Variants in GRIP2 observed in about 807,000 individuals in gnomAD.
GRIP2 encodes the protein glutamate receptor-interacting protein 2.
In GRIP2, 58 loss-of-function variants were observed where a neutral mutation model predicts 108.3. The observed-to-expected ratio is 0.54, with a 90% CI of 0.43 to 0.67. The LOEUF (loss-of-function observed/expected upper bound fraction) is 0.67. GRIP2 is among the 30% of genes least tolerant of loss of function. GRIP2 has a pLI of 0.00. For synonymous variants in GRIP2, 586 were observed against 598.2 expected, an observed-to-expected ratio of 0.98 and a Z score of 0.30; for missense variants, 1,278 against 1,430.6, an observed-to-expected ratio of 0.89 and a Z score of 1.72.
In GRIP2 at chr3:14,540,273, C is replaced by A. The variant is rs769403536; in HGVS notation, c.36G>T (p.Glu12Asp). ...CACAGACCCCCCATTACGTACCCGC[C>A]TCTCCAGGGGTCTCCCGGCTGAGCC... ...LCGLSRETPG[E>D]ADDGPYSKGG... is the part of the protein sequence containing the mutation. Residue 12 changes from glutamate to aspartate, a missense_variant, in exon 1 of 24, where the codon GAG becomes GAT. Coordinates refer to ENST00000621039, the MANE Select transcript of GRIP2 (RefSeq NM_001080423.4). This position sits in a 1 kb window ranked among gnomAD's most constrained non-coding sequence, Gnocchi z 4.1. 6.2e-7 allele frequency: 1 copy of A among 1,613,778 alleles called. No homozygotes were observed. The highest frequency in any genetic ancestry group is 1.7e-5 in the Admixed American group (1 of 60,010).
chr3:14,544,129 T>C (rs535698503), upstream of GRIP2, among the ~76,000 whole-genome samples: 5 of 152,340 alleles, frequency 3.3e-5, no homozygotes, highest in African/African-American at 1.2e-4. Context: ...TGTGTGACCC[T>C]AGGCAAGTCA....
chr3:14,565,701 G>A, the GRIP2 span, among the ~76,000 whole-genome samples: 1 of 152,204 alleles, frequency 6.6e-6, no homozygotes, highest in African/African-American at 2.4e-5. Context: ...CCTTGGGAAC[G>A]GGAAAGTGGG....
chr3:14,540,911 T>C (rs1694955565), upstream of GRIP2, among the ~76,000 whole-genome samples: 1 of 152,162 alleles, frequency 6.6e-6, no homozygotes. This position sits in a 1 kb window ranked among gnomAD's most constrained non-coding sequence, Gnocchi z 4.1. Context: ...CTCGGTAAAA[T>C]GGGACTTAGG....
intron 1 of GRIP2, among the ~76,000 whole-genome samples, chr3:14,533,466 C>G (rs926492986): frequency 6.6e-6 from 1 of 152,156 alleles, no homozygotes; most frequent in Non-Finnish European, 1.5e-5. Context: ...AAGCCAAAGC[C>G]CAAGTTCACC....
At position 14,522,381 on chromosome 3, in the gene GRIP2, C is replaced by T. The variant is rs1376287051; in HGVS notation, c.567-594G>A. 1.3e-5 allele frequency: 2 copies of T among 152,648 alleles called. No homozygotes were observed. Among genetic ancestry groups the T allele is most frequent in the Non-Finnish European group, 2.9e-5 (2 of 68,404 alleles). 9.5% of individuals were successfully genotyped at this position (152,648 alleles called of 1,614,324 possible). A position where few individuals can be genotyped will look rare whatever the true frequency, so the allele number is the denominator to read the frequency against. Reference sequence around the variant, plus strand: ...CTGGAACGCCTCTCCCAACAGGTGGCCAAAGCTATTCTCGGGGGTTCTATG... The same window carrying T: ...CTGGAACGCCTCTCCCAACAGGTGGTCAAAGCTATTCTCGGGGGTTCTATG... On this transcript the variant is annotated intron_variant, in intron 6 of 23. Coordinates refer to ENST00000621039, the MANE Select transcript of GRIP2 (RefSeq NM_001080423.4). This position sits in a 1 kb window ranked among gnomAD's most constrained non-coding sequence, Gnocchi z 4.3.
intron 1 of GRIP2, among the ~76,000 whole-genome samples, chr3:14,527,552 T>C (rs915001309): frequency 6.6e-6 from 1 of 152,168 alleles, no homozygotes; most frequent in African/African-American, 2.4e-5. Flanking sequence ...TCTGTATGTG[T>C]GTGTATATTA....
the GRIP2 span, among the ~76,000 whole-genome samples, chr3:14,577,285 A>G: frequency 6.6e-6 from 1 of 152,218 alleles, no homozygotes; most frequent in South Asian, 2.1e-4. Flanking sequence ...CTTTCTTAGG[A>G]AACCAATGAG....
In GRIP2 at chr3:14,498,200, G is replaced by A. The variant is rs976484126; in HGVS notation, c.2680-1640C>T. ...TTTTACGTTGGTTGTGGTGGTTTAT[G>A]CTTGTAATCCCAGCACTTTGGGAGG... is the stretch of plus-strand genomic sequence containing the variant. On this transcript the variant is annotated intron_variant, in intron 21 of 23. Coordinates refer to ENST00000621039, the MANE Select transcript of GRIP2 (RefSeq NM_001080423.4). 7.9e-5 allele frequency among the ~76,000 whole-genome samples: 12 copies of A among 152,226 alleles called. 1 individual carries two copies. The South Asian group carries it at 1.0e-3, about 13-fold the overall frequency.
Position 14,512,632 on chromosome 3 carries a change from A to C in GRIP2, c.1720+145T>G. 2.9e-6 allele frequency: 2 copies of C among 699,186 alleles called. No homozygotes were observed. The highest frequency in any genetic ancestry group is 4.8e-6 in the Non-Finnish European group (2 of 416,406). The allele number at this position is 699,186 out of a possible 1,614,324, so 43.3% of individuals were successfully genotyped here. On this transcript the variant is annotated intron_variant, in intron 14 of 23. Coordinates refer to ENST00000621039, the MANE Select transcript of GRIP2 (RefSeq NM_001080423.4). This position sits in a 1 kb window ranked among gnomAD's most constrained non-coding sequence, Gnocchi z 5.1. ...GAGAACACGCAGCTGGGTCCACGGAAGCCAGCCTCCCCACACCCCCAAGCC... is the reference window on the plus strand; with the variant it reads ...GAGAACACGCAGCTGGGTCCACGGACGCCAGCCTCCCCACACCCCCAAGCC...
chr3:14,560,871 AG>A (rs962574780), upstream of GRIP2, among the ~76,000 whole-genome samples: 27 of 152,340 alleles, frequency 1.8e-4, no homozygotes, highest in Admixed American at 1.1e-3. Flanking sequence ...AGCACACAGC[AG>A]GGGCGCAGCA....
In GRIP2 at chr3:14,505,596, CG is replaced by C. The variant is rs1559333877; in HGVS notation, c.2573+18del. ...GACACTGTGACTCCCTCCTCCTTCACGGTGCTCCCACCACAGACCTCGTTGG... is the reference window on the plus strand; with the variant it reads ...GACACTGTGACTCCCTCCTCCTTCACGTGCTCCCACCACAGACCTCGTTGG... On this transcript the variant is annotated intron_variant, in intron 20 of 23. Transcript: ENST00000621039. This position sits in a 1 kb window ranked among gnomAD's most constrained non-coding sequence, Gnocchi z 4.2. 1 of 1,604,330 alleles carries C rather than the reference CG, an allele frequency of 6.2e-7. No individual in the cohort carries two copies. Among genetic ancestry groups the C allele is most frequent in the Admixed American group, 1.7e-5 (1 of 58,792 alleles).
rs750080923 is a variant in GRIP2, at chr3:14,517,065, C to G, written c.1305G>C (p.Ser435=). The change falls in exon 11 of 24, where the codon TCG becomes TCC. Residue 435 remains serine (S), a splice_region_variant and synonymous_variant. Transcript: ENST00000621039. Reference sequence around the variant, plus strand: ...AGGAGGGAAGAGACCACAGCTTACACGAGCTCTTGTGTTCCCTTCTTCGCT... The same window carrying G: ...AGGAGGGAAGAGACCACAGCTTACAGGAGCTCTTGTGTTCCCTTCTTCGCT... ...RRQRRREHKS[S]LSLASSTVGP... The G allele has an allele frequency of 3.2e-6, 5 of 1,559,462 alleles. No homozygotes were observed. Among genetic ancestry groups the G allele is most frequent in the Non-Finnish European group, 4.3e-6 (5 of 1,153,646 alleles).
chr3:14,572,563 G>C, the GRIP2 span, among the ~76,000 whole-genome samples: 1 of 113,250 alleles, frequency 8.8e-6, no homozygotes, highest in African/African-American at 3.5e-5. Context: ...AGTGAGCCGA[G>C]ATCCCGCCAC....
rs939720021 is a variant in GRIP2, at chr3:14,521,984, A to C, written c.567-197T>G. 6.6e-5 allele frequency: 36 copies of C among 543,640 alleles called. No homozygotes were observed. In the East Asian group the frequency reaches 1.2e-3, roughly 18 times the overall value. 33.7% of individuals were successfully genotyped at this position (543,640 alleles called of 1,614,324 possible). On this transcript the variant is annotated intron_variant, in intron 6 of 23. Coordinates refer to ENST00000621039, the MANE Select transcript of GRIP2 (RefSeq NM_001080423.4). This position sits in a 1 kb window ranked among gnomAD's most constrained non-coding sequence, Gnocchi z 5.1. ...ACTCCAGGAGTGGGGAGCTGCATAA[A>C]GCAAGGGGGGGATGAAGACAGGATG...
At chr3:14,536,198 T>C (rs1213865985) in intron 1 of GRIP2, among the ~76,000 whole-genome samples, 1 of 150,398 alleles carries the variant, frequency 6.6e-6, no homozygotes, top group Admixed American at 6.6e-5. Context: ...TGTTGGGCCC[T>C]TCCCTGGGCC....
intron 9 of GRIP2, 31 bp from the exon 10 acceptor site, chr3:14,517,928 G>T: frequency 6.6e-7 from 1 of 1,509,886 alleles, no homozygotes; most frequent in African/African-American, 1.4e-5. Context: ...GGAAAGAGAG[G>T]TGCAGGCGTT....
chr3:14,507,682 C>A lies in GRIP2; in HGVS notation c.2097G>T (p.Val699=), dbSNP rs201221317. The change falls in exon 18 of 24, where the codon GTG becomes GTT. Residue 699 remains valine, a synonymous_variant. Coordinates refer to ENST00000621039, the MANE Select transcript of GRIP2 (RefSeq NM_001080423.4). The surrounding 1 kb of genome is among the most constrained non-coding windows in gnomAD (Gnocchi z 4.6). ...GLAERTGAIH[V]GDRILAINNV... ...TGTTGATGGCCAGAATGCGGTCCCCCACGTGGATGGCACCAGTCCTGAGGA... is the reference window on the plus strand; with the variant it reads ...TGTTGATGGCCAGAATGCGGTCCCCAACGTGGATGGCACCAGTCCTGAGGA... 6 of 1,613,960 alleles carry A rather than the reference C, an allele frequency of 3.7e-6. No homozygotes were observed. The highest frequency in any genetic ancestry group is 5.1e-6 in the Non-Finnish European group (6 of 1,179,858).
At chr3:14,574,434 C>A in the GRIP2 span, 1 of 717,970 alleles carries the variant, frequency 1.4e-6, no homozygotes, top group Non-Finnish European at 2.5e-6. Context: ...GGTGTCTTCC[C>A]GCTTCCGCCA....
At chr3:14,598,088 C>T in the GRIP2 span, among the ~76,000 whole-genome samples, 2 of 152,168 alleles carry the variant, frequency 1.3e-5, no homozygotes, top group South Asian at 2.1e-4. Context: ...TATGCACCCA[C>T]GCACTGGAAA....
Sources: allele counts gnomAD v4.1 joint callset (sites outside exome capture counted in the v4.1 genomes callset), GRCh38; gene constraint gnomAD v4.1.1; non-coding constraint Gnocchi (gnomAD v3.1); transcripts MANE v1.5; gene names NCBI Gene and HGNC (gene_info 2026-07-23, HGNC 2026-07-21).